The following IL2RB variants were observed in gnomAD, a reference collection of about 807,000 sequenced individuals.
IL2RB encodes the protein interleukin 2 receptor subunit beta.
Under a neutral mutation model 44.2 loss-of-function variants are expected in IL2RB, and 17 were observed. The ratio of observed to expected loss-of-function variants is 0.38; its 90% CI spans 0.26 to 0.58. IL2RB has a LOEUF of 0.58. IL2RB is among the 20% of genes least tolerant of loss of function. IL2RB has a pLI of 0.63. For synonymous variants in IL2RB, 286 were observed against 297.9 expected, an observed-to-expected ratio of 0.96 and a Z score of 0.41; for missense variants, 624 against 685.5, an observed-to-expected ratio of 0.91 and a Z score of 1.00.
chr22:37,153,900 T>C (rs993231756), upstream of IL2RB, among the ~76,000 whole-genome samples: 5 of 152,176 alleles, frequency 3.3e-5, no homozygotes, highest in Non-Finnish European at 7.3e-5. Context: ...AGCAGCTGCG[T>C]ACAGCTATTT....
At chr22:37,155,567 A>G (rs743777) in intron 1 of IL2RB, among the ~76,000 whole-genome samples, 53,228 of 152,086 alleles carry the variant, frequency 0.35, 10,117 homozygotes, top group African/African-American at 0.5. Flanking sequence ...CCAGGAAACC[A>G]GGCCTCATGA....
In IL2RB at chr22:37,128,560, C is replaced by T. The variant is rs188869923; in HGVS notation, c.1192G>A (p.Gly398Arg). 1.8e-4 allele frequency: 295 copies of T among 1,613,866 alleles called. No homozygotes were observed. In the East Asian group the frequency reaches 5.4e-3, roughly 30 times the overall value. ...TGGGGGGAAGACCCTGTGGGTGCCC[C>T]GGCCACACCCTCATCAGGGTCTTCC... ...SEEDPDEGVA[G>R]APTGSSPQPL... The change falls in exon 10 of 10, where the codon GGG (glycine) becomes AGG (arginine). Residue 398 changes from glycine (G) to arginine (R), a missense_variant. Transcript: ENST00000216223. This position sits in a 1 kb window ranked among gnomAD's most constrained non-coding sequence, Gnocchi z 4.5.
Position 37,149,911 on chromosome 22 carries a change from A to T in IL2RB, c.-120T>A, listed in dbSNP as rs938176348. Reference sequence around the variant, plus strand: ...TGGCCATCTCTCCAGGGCCCTGCTGAGCTCTGGCTGCTGGGGCCGCAAAGA... The same window carrying T: ...TGGCCATCTCTCCAGGGCCCTGCTGTGCTCTGGCTGCTGGGGCCGCAAAGA... On this transcript the variant is annotated 5_prime_UTR_variant, in exon 1 of 10. Coordinates refer to ENST00000216223, the MANE Select transcript of IL2RB (RefSeq NM_000878.5). 1.1e-5 allele frequency: 11 copies of T among 985,258 alleles called. No individual in the cohort carries two copies. Among genetic ancestry groups the T allele is most frequent in the Non-Finnish European group, 1.2e-5 (10 of 829,994 alleles). The allele number at this position is 985,258 out of a possible 1,614,324, so 61.0% of individuals were successfully genotyped here. A position where few individuals can be genotyped will look rare whatever the true frequency, so the allele number is the denominator to read the frequency against.
chr22:37,142,504 T>A lies in IL2RB; in HGVS notation c.212A>T (p.Asn71Ile). The change falls in exon 4 of 10, where the codon AAC becomes ATC. Residue 71 changes from asparagine (N) to isoleucine (I), a missense_variant. Asn to Ile is a moderately radical substitution (Grantham distance 149, BLOSUM62 -3). This residue lies in a region of IL2RB where 255 missense variants were observed against 339.9 expected (regional missense o/e 0.75). Transcript: ENST00000216223. ...CACGGGGAGCAGCTCACAGGTTTGG[T>A]TCCACCGCCTTTCATGGCAAAAGAC... ...VHAWPDRRRW[N>I]QTCELLPVSQ... is the part of the protein sequence containing the mutation. 6.2e-7 allele frequency: 1 copy of A among 1,614,106 alleles called. No individual in the cohort carries two copies. The highest frequency in any genetic ancestry group is 8.5e-7 in the Non-Finnish European group (1 of 1,179,976).
At chr22:37,154,404 C>T (rs185388155), upstream of IL2RB, among the ~76,000 whole-genome samples, 112 of 152,270 alleles carry the variant, frequency 7.4e-4, 1 homozygote, top group African/African-American at 2.6e-3. Flanking sequence ...ACCCTCCTCC[C>T]GGCATCAGCT....
intron 1 of IL2RB, among the ~76,000 whole-genome samples, chr22:37,166,603 G>A (rs1056132662): frequency 2.0e-5 from 3 of 152,278 alleles, no homozygotes; most frequent in East Asian, 1.9e-4. Flanking sequence ...TGCCTACCTC[G>A]GGACTTTGCA....
At chr22:37,142,170 G>T (rs539959351) in intron 4 of IL2RB, among the ~76,000 whole-genome samples, 1 of 152,206 alleles carries the variant, frequency 6.6e-6, no homozygotes, top group Non-Finnish European at 1.5e-5. Context: ...CCCACAAAGC[G>T]CAGGGGAGAC....
At chr22:37,138,195 T>C (rs1921800802) in intron 5 of IL2RB, among the ~76,000 whole-genome samples, 1 of 152,198 alleles carries the variant, frequency 6.6e-6, no homozygotes, top group Admixed American at 6.5e-5. Context: ...CCATGGATCA[T>C]CTCATTTATT....
rs1921248298 is a variant in IL2RB, at chr22:37,128,474, G to A, written c.1278C>T (p.Asp426=). The A allele has an allele frequency of 6.3e-7, 1 of 1,588,912 alleles. No individual in the cohort carries two copies. The highest frequency in any genetic ancestry group is 2.2e-5 in the East Asian group (1 of 44,474). ...GGAGACTGGGGGAGAAGAGCAGCAG[G>A]TCATCCCTGGAGGGGAAGGTGCAGT... ...DAYCTFPSRD[D]LLLFSPSLLG... is the part of the protein sequence containing the mutation. The change falls in exon 10 of 10, where the codon GAC becomes GAT. Residue 426 remains aspartate (D), a synonymous_variant. Transcript: ENST00000216223. The surrounding 1 kb of genome is among the most constrained non-coding windows in gnomAD (Gnocchi z 4.5).
intron 1 of IL2RB, among the ~76,000 whole-genome samples, chr22:37,161,170 C>T (rs1922854014): frequency 6.6e-6 from 1 of 152,066 alleles, no homozygotes; most frequent in Non-Finnish European, 1.5e-5. Flanking sequence ...AACGTGAAAA[C>T]CTCCCATTTA....
At chr22:37,135,854 G>T (rs1015021524) in intron 7 of IL2RB, among the ~76,000 whole-genome samples, 1 of 152,186 alleles carries the variant, frequency 6.6e-6, no homozygotes, top group African/African-American at 2.4e-5. Flanking sequence ...TGAGGGCCAG[G>T]CTGCCGGGAC....
Position 37,128,732 on chromosome 22 carries a change from C to T in IL2RB, c.1020G>A (p.Gln340=). Residue 340 remains glutamine, a synonymous_variant, in exon 10 of 10, where the codon CAG becomes CAA. Coordinates refer to ENST00000216223, the MANE Select transcript of IL2RB (RefSeq NM_000878.5). The surrounding 1 kb of genome is among the most constrained non-coding windows in gnomAD (Gnocchi z 4.5). ...RDKVTQLLLQ[Q]DKVPEPASLS... ...AGGATGCGGGCTCAGGCACCTTGTCCTGCTGCAGGAGCAGCTGCGTCACCT... is the reference window on the plus strand; with the variant it reads ...AGGATGCGGGCTCAGGCACCTTGTCTTGCTGCAGGAGCAGCTGCGTCACCT... 1.2e-6 allele frequency: 2 copies of T among 1,614,172 alleles called. No individual in the cohort carries two copies. Among genetic ancestry groups the T allele is most frequent in the African/African-American group, 1.3e-5 (1 of 75,048 alleles).
chr22:37,172,942 C>A (rs1397886656), intron 1 of IL2RB, among the ~76,000 whole-genome samples: 1 of 152,160 alleles, frequency 6.6e-6, no homozygotes, highest in African/African-American at 2.4e-5. Flanking sequence ...CTCCAGCCAT[C>A]CTCTGAGAAG....
At chr22:37,166,178 C>T (rs1041627074) in intron 1 of IL2RB, among the ~76,000 whole-genome samples, 13 of 152,194 alleles carry the variant, frequency 8.5e-5, no homozygotes, top group African/African-American at 2.9e-4. Flanking sequence ...GAAGTCCTGG[C>T]TCCTTGGAAA....
Position 37,141,492 on chromosome 22 carries a change from C to T in IL2RB, c.282+942G>A, listed in dbSNP as rs373633765. Among the ~76,000 whole-genome samples, 1 of 151,944 alleles carries T rather than the reference C, an allele frequency of 6.6e-6. No homozygotes were observed. The highest frequency in any genetic ancestry group is 2.1e-4 in the South Asian group (1 of 4,824). On this transcript the variant is annotated intron_variant, in intron 4 of 9. Coordinates refer to ENST00000216223, the MANE Select transcript of IL2RB (RefSeq NM_000878.5). The surrounding 1 kb of genome is among the most constrained non-coding windows in gnomAD (Gnocchi z 4.4). ...CGCACTCTGTGGATCCAGTGTGAGT[C>T]GGGGACAAGCGGGACCCCTGCCCCT... is the stretch of plus-strand genomic sequence containing the variant.
At chr22:37,148,354 G>T (rs1276700218) in intron 1 of IL2RB, among the ~76,000 whole-genome samples, 1 of 152,140 alleles carries the variant, frequency 6.6e-6, no homozygotes, top group South Asian at 2.1e-4. Flanking sequence ...AAGGTTGCAC[G>T]GTGAGGAGAA....
chr22:37,172,471 G>A lies in IL2RB; in HGVS notation c.-34+2487C>T, dbSNP rs1312774209. On this transcript the variant is annotated intron_variant, in intron 1 of 5. Transcript: ENST00000429622. ...CCTTGGAGCCGTCAACCATCCAATA[G>A]GGCCCAGAATGAGGTAGAGAGATGA... Among the ~76,000 whole-genome samples the A allele has an allele frequency of 1.3e-5, 2 of 152,134 alleles. 1 individual carries two copies. The highest frequency in any genetic ancestry group is 3.9e-4 in the East Asian group (2 of 5,172).
chr22:37,163,376 G>A (rs1468063748), intron 1 of IL2RB, among the ~76,000 whole-genome samples: 1 of 152,192 alleles, frequency 6.6e-6, no homozygotes, highest in Non-Finnish European at 1.5e-5. Flanking sequence ...AAAGGGTGGG[G>A]TACTTTGATT....
chr22:37,166,838 A>G (rs1214210389), intron 1 of IL2RB: 2 of 152,116 alleles, frequency 1.3e-5, no homozygotes, highest in Non-Finnish European at 2.9e-5. Context: ...CAGGACAAGC[A>G]GGGGAAGCAA....
Sources: gnomAD v4.1 joint callset for allele counts (sites outside exome capture counted in the v4.1 genomes callset) on GRCh38, gnomAD v4.1.1 for gene constraint, gnomAD v4.1.1 regional missense constraint, Gnocchi (gnomAD v3.1) non-coding constraint, MANE v1.5 for transcripts, NCBI Gene and HGNC (gene_info 2026-07-23, HGNC 2026-07-21) for gene names.